Variants in CHCHD3 observed in about 807,000 individuals in gnomAD.
The protein encoded by CHCHD3 is coiled-coil-helix-coiled-coil-helix domain containing 3.
CHCHD3 carries 20 observed loss-of-function variants against 38.2 expected under a neutral mutation model. That is an observed-to-expected ratio of 0.52 (90% CI 0.37 to 0.76). CHCHD3 has a LOEUF of 0.76. Among genes scored for constraint, CHCHD3 ranks in the 30% least tolerant of loss-of-function variants. The pLI, the probability that CHCHD3 is intolerant of heterozygous loss-of-function variation, is 0.00. For missense variants in CHCHD3, 245 were observed against 279.2 expected (o/e 0.88, Z 0.87); for synonymous variants, 82 against 100.0 (o/e 0.82, Z 1.07).
At position 132,975,286 on chromosome 7, in the gene CHCHD3, T is replaced by C; in HGVS notation, c.252A>G (p.Arg84=). Residue 84 remains arginine (R), a splice_region_variant and synonymous_variant, in exon 4 of 8, where the codon CGA becomes CGG. Coordinates refer to ENST00000262570, the MANE Select transcript of CHCHD3 (RefSeq NM_017812.4). ...GGTCCAGCTCTTTGGCTTGCTTTAG[T>C]CTAAAATGACAAGAATTGTCTAAGT... The part of the protein sequence containing the change: ...QAKKESEDQK[R]LKQAKELDRE... The C allele has an allele frequency of 5.6e-6, 9 of 1,610,542 alleles. No homozygotes were observed. The highest frequency in any genetic ancestry group is 7.6e-6 in the Non-Finnish European group (9 of 1,178,018).
intron 5 of CHCHD3, among the ~76,000 whole-genome samples, chr7:132,873,135 G>A (rs1454658579): frequency 6.6e-6 from 1 of 151,972 alleles, no homozygotes; most frequent in Non-Finnish European, 1.5e-5. Flanking sequence ...AGGATGAAAA[G>A]GGGAGTGGAA....
chr7:132,808,487 C>A (rs1248419868), intron 6 of CHCHD3, among the ~76,000 whole-genome samples: 1 of 152,144 alleles, frequency 6.6e-6, no homozygotes, highest in Non-Finnish European at 1.5e-5. Context: ...GCTGTGTGAT[C>A]TTAGGTTTCT....
chr7:132,846,810 T>C (rs1453027090), intron 5 of CHCHD3, among the ~76,000 whole-genome samples: 1 of 152,208 alleles, frequency 6.6e-6, no homozygotes, highest in Non-Finnish European at 1.5e-5. Flanking sequence ...AAAGAAATAC[T>C]ACCTTTATTA....
chr7:132,959,122 A>G (rs905414354), intron 4 of CHCHD3, among the ~76,000 whole-genome samples: 3 of 152,234 alleles, frequency 2.0e-5, no homozygotes, highest in Admixed American at 6.5e-5. Flanking sequence ...TGAAAAGTCT[A>G]TTTTTGAAAA....
chr7:132,899,989 G>C (rs1809623410), intron 4 of CHCHD3, among the ~76,000 whole-genome samples: 1 of 152,150 alleles, frequency 6.6e-6, no homozygotes, highest in Non-Finnish European at 1.5e-5. Context: ...ACAACATTTG[G>C]AAATAACCGT....
chr7:132,868,834 G>A (rs754645994), intron 5 of CHCHD3, among the ~76,000 whole-genome samples: 2 of 152,040 alleles, frequency 1.3e-5, no homozygotes, highest in Non-Finnish European at 1.5e-5. Flanking sequence ...AGTGGCTGTC[G>A]GAGAGTAACT....
At chr7:132,985,172 G>A (rs1184033735) in intron 3 of CHCHD3, among the ~76,000 whole-genome samples, 1 of 73,118 alleles carries the variant, frequency 1.4e-5, no homozygotes, top group Non-Finnish European at 2.8e-5. Context: ...CCCTCTGCCC[G>A]GCCAGCCGCC....
At chr7:132,789,055 G>C (rs940565315) in intron 7 of CHCHD3, among the ~76,000 whole-genome samples, 1 of 152,152 alleles carries the variant, frequency 6.6e-6, no homozygotes, top group African/African-American at 2.4e-5. Flanking sequence ...AGGGCTTTTG[G>C]CTGGAGGGAT....
intron 5 of CHCHD3, among the ~76,000 whole-genome samples, chr7:132,865,723 C>A (rs549348590): frequency 1.3e-5 from 2 of 152,066 alleles, no homozygotes; most frequent in Admixed American, 6.5e-5. Context: ...CTGCTTCTAA[C>A]GAGCAAAGGC....
chr7:132,827,452 T>C (rs1441628859), intron 6 of CHCHD3, among the ~76,000 whole-genome samples: 3 of 152,232 alleles, frequency 2.0e-5, no homozygotes, highest in African/African-American at 7.2e-5. Context: ...CCTTTGACTG[T>C]GACCTGTCAC....
At chr7:132,875,839 T>C (rs912679620) in intron 5 of CHCHD3, among the ~76,000 whole-genome samples, 9 of 152,250 alleles carry the variant, frequency 5.9e-5, no homozygotes, top group African/African-American at 2.2e-4. Flanking sequence ...TTAGGTTCCC[T>C]TCATTAAATG....
intron 4 of CHCHD3, among the ~76,000 whole-genome samples, chr7:132,952,001 C>T (rs896628859): frequency 1.3e-5 from 2 of 152,192 alleles, no homozygotes; most frequent in Non-Finnish European, 2.9e-5. Flanking sequence ...GAAATATTTT[C>T]CTTAAAAACA....
chr7:132,915,439 T>C (rs1021209584), intron 4 of CHCHD3, among the ~76,000 whole-genome samples: 3 of 152,182 alleles, frequency 2.0e-5, no homozygotes. Context: ...GTCTTTCCTT[T>C]TGAGCTGTTC....
chr7:132,820,116 T>C (rs1391222583), intron 6 of CHCHD3, among the ~76,000 whole-genome samples: 2 of 152,170 alleles, frequency 1.3e-5, no homozygotes, highest in South Asian at 2.1e-4. Context: ...CATCTTGTGG[T>C]TGCAAGGCAA....
intron 4 of CHCHD3, chr7:132,887,120 T>C: frequency 2.4e-6 from 1 of 423,568 alleles, no homozygotes; most frequent in Non-Finnish European, 3.9e-6. Context: ...GGAGAAAAAA[T>C]AAAAAGGAAA....
chr7:132,801,123 T>C (rs1461452963), intron 6 of CHCHD3, among the ~76,000 whole-genome samples: 1 of 152,230 alleles, frequency 6.6e-6, no homozygotes, highest in Non-Finnish European at 1.5e-5. Flanking sequence ...TTTAAAAATA[T>C]GTAATCATTC....
chr7:133,043,571 G>A (rs915607255), intron 2 of CHCHD3, among the ~76,000 whole-genome samples: 5 of 151,702 alleles, frequency 3.3e-5, no homozygotes, highest in South Asian at 2.1e-4. Context: ...GCTTGAACCC[G>A]GGAGGCGGAG....
At chr7:132,920,781 T>G (rs960744197) in intron 4 of CHCHD3, among the ~76,000 whole-genome samples, 2 of 152,102 alleles carry the variant, frequency 1.3e-5, no homozygotes, top group African/African-American at 4.8e-5. Flanking sequence ...ATTGTTGTAT[T>G]GTTTATATGC....
intron 3 of CHCHD3, among the ~76,000 whole-genome samples, chr7:132,979,147 A>G (rs1470717133): frequency 6.6e-6 from 1 of 152,196 alleles, no homozygotes; most frequent in African/African-American, 2.4e-5. Context: ...AACATTCTAA[A>G]AAGTCTATAC....
Sources: allele counts gnomAD v4.1 joint callset (sites outside exome capture counted in the v4.1 genomes callset), GRCh38; gene constraint gnomAD v4.1.1; transcripts MANE v1.5; gene names NCBI Gene and HGNC (gene_info 2026-07-23, HGNC 2026-07-21).